Variants in PDE4B observed in about 807,000 individuals in gnomAD.
PDE4B encodes the protein 3',5'-cyclic-AMP phosphodiesterase 4B.
In PDE4B, 20 loss-of-function variants were observed where a neutral mutation model predicts 82.2. The ratio of observed to expected loss-of-function variants is 0.24; its 90% confidence interval spans 0.17 to 0.35. PDE4B has a LOEUF of 0.35. Among genes scored for constraint, PDE4B ranks in the 10% least tolerant of loss-of-function variants. The pLI is 1.00. For missense variants in PDE4B, 655 were observed against 907.2 expected (o/e 0.72, Z 3.57); for synonymous variants, 320 against 318.9 (o/e 1.00, Z -0.04).
intron 3 of PDE4B, among the ~76,000 whole-genome samples, chr1:66,102,230 TG>T (rs1373651567): frequency 6.6e-6 from 1 of 152,036 alleles, no homozygotes; most frequent in Non-Finnish European, 1.5e-5. Context: ...TTTTTGGGTT[TG>T]TTTTTGTTTT....
intron 1 of PDE4B, among the ~76,000 whole-genome samples, chr1:65,855,001 G>T (rs111658691): frequency 0.011 from 1,648 of 151,608 alleles, 39 homozygotes; most frequent in African/African-American, 0.037. Flanking sequence ...ATCATCCAAA[G>T]AAATTGTTTT....
chr1:66,177,155 T>G (rs1646946440), intron 3 of PDE4B, among the ~76,000 whole-genome samples: 1 of 152,096 alleles, frequency 6.6e-6, no homozygotes, highest in African/African-American at 2.4e-5. Flanking sequence ...CAAATGCAAA[T>G]GAATGGAGAC....
chr1:66,029,157 G>C (rs1399513235), intron 3 of PDE4B, among the ~76,000 whole-genome samples: 1 of 152,156 alleles, frequency 6.6e-6, no homozygotes, highest in East Asian at 1.9e-4. Flanking sequence ...GGTGGGAGGT[G>C]AAAGGCACTT....
chr1:66,359,920 A>G (rs1662614914), intron 9 of PDE4B, among the ~76,000 whole-genome samples: 1 of 152,224 alleles, frequency 6.6e-6, no homozygotes, highest in Non-Finnish European at 1.5e-5. Context: ...TGTCTGGAGC[A>G]AAGTAATTGC....
At chr1:66,335,344 G>A (rs1009697184) in intron 8 of PDE4B, among the ~76,000 whole-genome samples, 5 of 152,230 alleles carry the variant, frequency 3.3e-5, no homozygotes, top group African/African-American at 1.2e-4. Flanking sequence ...GTGTTATGCT[G>A]AGGGGTATTT....
chr1:65,991,106 G>A (rs2186117), intron 3 of PDE4B, among the ~76,000 whole-genome samples: 4,793 of 150,064 alleles, frequency 0.032, 191 homozygotes, highest in Admixed American at 0.12. Context: ...TTGAGACAAA[G>A]GCACACTGTC....
intron 3 of PDE4B, among the ~76,000 whole-genome samples, chr1:66,076,930 A>T (rs756968852): frequency 6.6e-6 from 1 of 150,814 alleles, no homozygotes; most frequent in African/African-American, 2.4e-5. Flanking sequence ...TGTCAGTTGC[A>T]TAGTTTGCAG....
intron 3 of PDE4B, among the ~76,000 whole-genome samples, chr1:66,132,332 C>G (rs891241173): frequency 6.6e-6 from 1 of 152,162 alleles, no homozygotes; most frequent in Non-Finnish European, 1.5e-5. Flanking sequence ...CTGTTTCTTT[C>G]TAACTGGAAG....
At chr1:65,981,819 TTC>T (rs1428282943) in intron 3 of PDE4B, among the ~76,000 whole-genome samples, 1 of 152,156 alleles carries the variant, frequency 6.6e-6, no homozygotes, top group Non-Finnish European at 1.5e-5. Context: ...TTCCCAGTGG[TTC>T]TCTCTTTCTC....
At chr1:65,800,744 T>C (rs1332595668) in intron 1 of PDE4B, among the ~76,000 whole-genome samples, 2 of 152,210 alleles carry the variant, frequency 1.3e-5, no homozygotes, top group Non-Finnish European at 2.9e-5. Flanking sequence ...AGTAGTATAA[T>C]ATCTTGATAT....
intron 1 of PDE4B, among the ~76,000 whole-genome samples, chr1:65,809,583 T>C (rs762288531): frequency 1.6e-4 from 25 of 152,220 alleles, no homozygotes; most frequent in Non-Finnish European, 2.5e-4. Flanking sequence ...ATCTAAACAC[T>C]GCCTTCATTT....
intron 3 of PDE4B, among the ~76,000 whole-genome samples, chr1:66,229,011 C>T (rs567230181): frequency 1.8e-4 from 28 of 151,540 alleles, no homozygotes; most frequent in Non-Finnish European, 2.5e-4. Flanking sequence ...ACATCTTCCC[C>T]AGAGGCTTTT....
chr1:66,208,596 A>C (rs1019924481), intron 3 of PDE4B, among the ~76,000 whole-genome samples: 5 of 152,184 alleles, frequency 3.3e-5, no homozygotes, highest in Admixed American at 2.6e-4. Flanking sequence ...AATATGCTTT[A>C]ACATAGTAAG....
chr1:66,370,257 G>A (rs948563268), intron 16 of PDE4B, among the ~76,000 whole-genome samples: 12 of 150,328 alleles, frequency 8.0e-5, no homozygotes, highest in African/African-American at 2.2e-4. Context: ...GGGTTAATTC[G>A]AATAGCCCAA....
chr1:66,203,697 A>G (rs967082041), intron 3 of PDE4B, among the ~76,000 whole-genome samples: 10 of 152,114 alleles, frequency 6.6e-5, no homozygotes, highest in Non-Finnish European at 1.3e-4. Flanking sequence ...TTTCAGCTCC[A>G]TCAGCTCCTT....
At chr1:65,929,107 C>T (rs182975846) in intron 3 of PDE4B, among the ~76,000 whole-genome samples, 253 of 152,260 alleles carry the variant, frequency 1.7e-3, no homozygotes, top group Non-Finnish European at 2.3e-3. Context: ...AGGGGCCCGC[C>T]GGGACTTTAG....
chr1:66,047,890 G>A (rs760562402), intron 3 of PDE4B, among the ~76,000 whole-genome samples: 34 of 151,946 alleles, frequency 2.2e-4, no homozygotes, highest in Non-Finnish European at 3.5e-4. Flanking sequence ...TGTTTACTTA[G>A]CACTTGTGTC....
chr1:65,861,740 GT>G (rs1646456915), intron 1 of PDE4B, among the ~76,000 whole-genome samples: 1 of 152,112 alleles, frequency 6.6e-6, no homozygotes, highest in Non-Finnish European at 1.5e-5. Context: ...GTGGTTTGCA[GT>G]TCTTCTTGAA....
chr1:66,264,140 G>C (rs535889664), intron 6 of PDE4B, among the ~76,000 whole-genome samples: 236 of 152,310 alleles, frequency 1.5e-3, no homozygotes, highest in African/African-American at 5.5e-3. Context: ...CAAAAGAGAA[G>C]TACAGGATGC....
Sources: allele counts gnomAD v4.1 joint callset (sites outside exome capture counted in the v4.1 genomes callset), GRCh38; gene constraint gnomAD v4.1.1; transcripts MANE v1.5; gene names NCBI Gene and HGNC (gene_info 2026-07-23, HGNC 2026-07-21).